The following CYB5R2 variants were observed in gnomAD, a reference collection of about 807,000 sequenced individuals.
CYB5R2 encodes the protein NADH-cytochrome b5 reductase 2.
Under a neutral mutation model 29.8 loss-of-function variants are expected in CYB5R2, and 35 were observed. That is an observed-to-expected ratio of 1.17 (90% CI 0.90 to 1.56). The LOEUF (loss-of-function observed/expected upper bound fraction) is 1.56, where lower values mean the gene tolerates loss of function less well. Among genes scored for constraint, CYB5R2 ranks in the 40% most tolerant of loss-of-function variants. The pLI is 0.00. For synonymous variants in CYB5R2, 169 were observed against 130.6 expected (o/e 1.29, Z -2.01); for missense variants, 419 against 346.7 (o/e 1.21, Z -1.66).
rs1258831921 is a variant in CYB5R2 at position 7,665,779 on chromosome 11, C to CT, written c.659-234dup. On this transcript the variant is annotated intron_variant, in intron 8 of 8. Coordinates refer to ENST00000299498, the MANE Select transcript of CYB5R2 (RefSeq NM_016229.5). Reference sequence around the variant, plus strand: ...AGGGACCCTGAAGCCCTGCTGCTGTCTGTCAGCTGTCAGCATTGACGAGGA... The same window carrying CT: ...AGGGACCCTGAAGCCCTGCTGCTGTCTTGTCAGCTGTCAGCATTGACGAGGA... 25 of 1,454,760 alleles carry CT rather than the reference C, an allele frequency of 1.7e-5. No individual in the cohort carries two copies. The African/African-American group carries it at 3.2e-4, about 19-fold the overall frequency. 90.1% of individuals were successfully genotyped at this position (1,454,760 alleles called of 1,614,324 possible).
chr11:7,673,000 T>G, intron 1 of CYB5R2, 109 bp from the exon 2 acceptor site: 1 of 1,084,116 alleles, frequency 9.2e-7, no homozygotes, highest in Non-Finnish European at 1.3e-6. Flanking sequence ...AGCTGAGCTC[T>G]GCCTGCAGGA....
intron 4 of CYB5R2, 33 bp from the exon 5 acceptor site, chr11:7,669,367 C>G: frequency 6.3e-7 from 1 of 1,588,152 alleles, no homozygotes; most frequent in Non-Finnish European, 8.6e-7. Context: ...TTTCACATTC[C>G]CAGACACAAT....
intron 8 of CYB5R2, chr11:7,665,800 G>T (rs913543760): frequency 2.7e-6 from 4 of 1,502,896 alleles, no homozygotes; most frequent in Admixed American, 4.0e-5. Flanking sequence ...CAGCATTGAC[G>T]AGGAAGGAGA....
chr11:7,668,377 G>A (rs1209618750), intron 6 of CYB5R2, 101 bp downstream of exon 6: 2 of 921,736 alleles, frequency 2.2e-6, no homozygotes, highest in East Asian at 2.4e-5. Flanking sequence ...TACAGCTGGA[G>A]GCGAAATCTC....
At chr11:7,665,969 A>C (rs964928236) in intron 8 of CYB5R2, 1 of 1,496,506 alleles carries the variant, frequency 6.7e-7, no homozygotes, top group African/African-American at 1.4e-5. Flanking sequence ...AGCCGGGAGC[A>C]GTGTGAGAGG....
upstream of CYB5R2, chr11:7,674,162 G>T: frequency 8.1e-7 from 1 of 1,235,060 alleles, no homozygotes; most frequent in Non-Finnish European, 1.0e-6. Flanking sequence ...GGCGGAGGGG[G>T]ATGCTGGGGA....
upstream of CYB5R2, chr11:7,673,783 C>A (rs1277508608): frequency 3.0e-6 from 3 of 987,534 alleles, no homozygotes; most frequent in African/African-American, 3.5e-5. Flanking sequence ...CGCCGCGGGC[C>A]CGCAGACTCG....
intron 3 of CYB5R2, 169 bp downstream of exon 3, chr11:7,672,282 T>G (rs1437966274): frequency 1.7e-6 from 1 of 593,794 alleles, no homozygotes; most frequent in East Asian, 2.8e-5. Context: ...GAAAAGAAAT[T>G]TTCTGTCCCA....
At position 7,665,599 on chromosome 11, in the gene CYB5R2, G is replaced by C; in HGVS notation, c.659-53C>G. The C allele has an allele frequency of 4.6e-6, 7 of 1,534,874 alleles. 1 individual carries two copies. In the South Asian group the frequency reaches 7.8e-5, roughly 17 times the overall value. On this transcript the variant is annotated intron_variant, in intron 8 of 8. Coordinates refer to ENST00000299498, the MANE Select transcript of CYB5R2 (RefSeq NM_016229.5). ...CTGAGCGATGCCAGGTGGAGTTCCT[G>C]ATCCCAGGCCGCCTGCACACCCACC... is the stretch of plus-strand genomic sequence containing the variant.
Position 7,665,270 on chromosome 11 carries a change from A to G in CYB5R2, c.*104T>C. 3.8e-6 allele frequency: 4 copies of G among 1,040,584 alleles called. No individual in the cohort carries two copies. The highest frequency in any genetic ancestry group is 2.7e-5 in the East Asian group (1 of 37,218). 64.5% of individuals were successfully genotyped at this position (1,040,584 alleles called of 1,614,324 possible). On this transcript the variant is annotated 3_prime_UTR_variant, in exon 9 of 9. Transcript: ENST00000299498. ...AGAACCAGTGTGTGCGCGAAGGTAC[A>G]TGGCAAGGCACTTTTGAAAACATCC... is the stretch of plus-strand genomic sequence containing the variant.
chr11:7,674,004 G>C, upstream of CYB5R2: 1 of 1,153,554 alleles, frequency 8.7e-7, no homozygotes, highest in Non-Finnish European at 1.1e-6. Flanking sequence ...CCATCATGAG[G>C]CTGGCGGGGC....
chr11:7,672,062 A>G (rs954194421), intron 3 of CYB5R2: 1 of 188,184 alleles, frequency 5.3e-6, no homozygotes, highest in East Asian at 1.3e-4. Flanking sequence ...TCCATCAGTC[A>G]CTCTACTTTC....
At chr11:7,668,211 C>T (rs1855461269) in intron 6 of CYB5R2, among the ~76,000 whole-genome samples, 1 of 152,186 alleles carries the variant, frequency 6.6e-6, no homozygotes, top group Admixed American at 6.5e-5. Flanking sequence ...GATCTAGGAG[C>T]CCCTGGGACA....
rs527892495 is a variant in CYB5R2, at chr11:7,673,111, G to A, written c.-66-220C>T. 1.9e-3 allele frequency: 906 copies of A among 475,676 alleles called. 5 individuals carry two copies. The highest frequency in any genetic ancestry group is 0.013 in the South Asian group (642 of 49,090). The allele number at this position is 475,676 out of a possible 1,614,324, so 29.5% of individuals were successfully genotyped here. A position where few individuals can be genotyped will look rare whatever the true frequency, so the allele number is the denominator to read the frequency against. On this transcript the variant is annotated intron_variant, in intron 1 of 8. Transcript: ENST00000299498. The stretch of plus-strand genomic sequence containing the variant: ...CAGCTGCAGGTCACACAGGAAGGAT[G>A]TTTCAGGCCCCTGGAGCAGGCAGCA...
At chr11:7,669,485 C>G in intron 4 of CYB5R2, 140 bp downstream of exon 4, 1 of 1,234,726 alleles carries the variant, frequency 8.1e-7, no homozygotes, top group Non-Finnish European at 1.1e-6. Flanking sequence ...GAAGCTGCCA[C>G]AAGGTTAACT....
At chr11:7,672,277 G>T in intron 3 of CYB5R2, 174 bp downstream of exon 3, 1 of 580,826 alleles carries the variant, frequency 1.7e-6, no homozygotes, top group South Asian at 2.3e-5. Context: ...ATGAAGAAAA[G>T]AAATTTTCTG....
At chr11:7,673,132 C>T in intron 1 of CYB5R2, 1 of 439,548 alleles carries the variant, frequency 2.3e-6, no homozygotes, top group Non-Finnish European at 4.1e-6. Context: ...CTGGAGCAGG[C>T]AGCACACATG....
chr11:7,673,949 C>CA (rs1855931079), upstream of CYB5R2: 1 of 1,009,064 alleles, frequency 9.9e-7, no homozygotes, highest in Non-Finnish European at 1.2e-6. Context: ...GGCTCTCACT[C>CA]ACGAGCCGCT....
In CYB5R2 at chr11:7,669,164, T is replaced by G. The variant is rs183821192; in HGVS notation, c.388+41A>C. On this transcript the variant is annotated intron_variant, in intron 5 of 8. Transcript: ENST00000299498. ...GAACAATGGAACCATTGCAGGAATC[T>G]TCCTCCCAGCTGGGAGCCCAAGTAT... is the stretch of plus-strand genomic sequence containing the variant. 8.1e-3 allele frequency: 13,032 copies of G among 1,613,308 alleles called. 68 individuals carry two copies. The highest frequency in any genetic ancestry group is 9.1e-3 in the Non-Finnish European group (10,685 of 1,179,308).
Sources: allele counts gnomAD v4.1 joint callset (sites outside exome capture counted in the v4.1 genomes callset), GRCh38; gene constraint gnomAD v4.1.1; transcripts MANE v1.5; gene names NCBI Gene and HGNC (gene_info 2026-07-23, HGNC 2026-07-21).